Variants in CCDC85A observed in about 807,000 individuals in gnomAD.
CCDC85A encodes the protein coiled-coil domain-containing protein 85A.
Under a neutral mutation model 50.2 loss-of-function variants are expected in CCDC85A, and 38 were observed. The ratio of observed to expected loss-of-function variants is 0.76; its 90% CI spans 0.58 to 0.99. CCDC85A has a LOEUF of 0.99. Among genes scored for constraint, CCDC85A ranks in the 50% least tolerant of loss-of-function variants. The pLI, the probability that CCDC85A is intolerant of heterozygous loss-of-function variation, is 0.00. For synonymous variants in CCDC85A, 366 were observed against 301.4 expected, an observed-to-expected ratio of 1.21 and a Z score of -2.22; for missense variants, 820 against 742.0, an observed-to-expected ratio of 1.11 and a Z score of -1.22.
At chr2:56,332,435 G>C (rs1005196808) in intron 2 of CCDC85A, among the ~76,000 whole-genome samples, 2 of 152,272 alleles carry the variant, frequency 1.3e-5, no homozygotes, top group African/African-American at 4.8e-5. Context: ...TGCCATGAAG[G>C]GGAAAGGGAT....
intron 2 of CCDC85A, among the ~76,000 whole-genome samples, chr2:56,231,040 A>G (rs1023775089): frequency 1.3e-5 from 2 of 152,154 alleles, no homozygotes; most frequent in Non-Finnish European, 2.9e-5. Context: ...CCCTTATACT[A>G]AAAGGCATAA....
chr2:56,319,572 G>T (rs1452457926), intron 2 of CCDC85A, among the ~76,000 whole-genome samples: 1 of 152,096 alleles, frequency 6.6e-6, no homozygotes, highest in African/African-American at 2.4e-5. Flanking sequence ...ATATGGAAAA[G>T]ACAATAGAAT....
At chr2:56,199,924 G>A (rs535302861) in intron 2 of CCDC85A, among the ~76,000 whole-genome samples, 187 of 152,216 alleles carry the variant, frequency 1.2e-3, no homozygotes, top group African/African-American at 4.3e-3. Flanking sequence ...GCTGCAGTGC[G>A]GTGGCGCAGT....
At chr2:56,370,067 A>G (rs1675998654) in intron 3 of CCDC85A, among the ~76,000 whole-genome samples, 1 of 152,026 alleles carries the variant, frequency 6.6e-6, no homozygotes, top group South Asian at 2.1e-4. Context: ...CAAACTTGGA[A>G]TTTTAGAAAA....
intron 3 of CCDC85A, among the ~76,000 whole-genome samples, chr2:56,368,330 A>G (rs1490951499): frequency 2.6e-5 from 4 of 152,172 alleles, no homozygotes; most frequent in Admixed American, 2.6e-4. Flanking sequence ...AATCTCTTGG[A>G]GAGGGTTTGC....
chr2:56,383,821 G>T (rs1337676226), intron 5 of CCDC85A: 1 of 890,710 alleles, frequency 1.1e-6, no homozygotes, highest in African/African-American at 1.8e-5. Flanking sequence ...TAGGAACCAG[G>T]ATGATCTTGC....
Position 56,192,590 on chromosome 2 carries a change from TC to T in CCDC85A, c.391del (p.Arg131AlafsTer6). 1 of 1,613,672 alleles carries T rather than the reference TC, an allele frequency of 6.2e-7. No homozygotes were observed. The highest frequency in any genetic ancestry group is 8.5e-7 in the Non-Finnish European group (1 of 1,179,834). ...TGTCTCGGGAGTGGCAGAGACTGGG[TC>T]GCTACACTGCCGGGGTGATGCACAA... ...RVSREWQRLG[R>X]YTAGVMHKEV... On this transcript the variant is annotated frameshift_variant, in exon 2 of 6. Coordinates refer to ENST00000407595, the MANE Select transcript of CCDC85A (RefSeq NM_001080433.2). LOFTEE classifies it high-confidence loss of function. This position sits in a 1 kb window ranked among gnomAD's most constrained non-coding sequence, Gnocchi z 4.7.
At chr2:56,360,213 A>C (rs1675454733) in intron 3 of CCDC85A, among the ~76,000 whole-genome samples, 1 of 152,264 alleles carries the variant, frequency 6.6e-6, no homozygotes, top group African/African-American at 2.4e-5. Flanking sequence ...GACTAATGTC[A>C]ACCTAGCAAT....
At chr2:56,205,179 T>C (rs566297353) in intron 2 of CCDC85A, among the ~76,000 whole-genome samples, 21 of 152,270 alleles carry the variant, frequency 1.4e-4, no homozygotes, top group African/African-American at 5.1e-4. Context: ...TTACTGTCTT[T>C]GTACTAGATG....
intron 2 of CCDC85A, among the ~76,000 whole-genome samples, chr2:56,210,000 C>A (rs1010506470): frequency 3.3e-5 from 5 of 152,044 alleles, no homozygotes; most frequent in Non-Finnish European, 7.4e-5. Flanking sequence ...TAGAGCACAT[C>A]CTGGAATGTT....
chr2:56,293,128 T>C (rs1454516104), intron 2 of CCDC85A, among the ~76,000 whole-genome samples: 1 of 152,044 alleles, frequency 6.6e-6, no homozygotes, highest in Non-Finnish European at 1.5e-5. Context: ...AGAAGGGGAG[T>C]TAACATCTGT....
chr2:56,235,877 A>G (rs1159054117), intron 2 of CCDC85A, among the ~76,000 whole-genome samples: 1 of 152,214 alleles, frequency 6.6e-6, no homozygotes, highest in Non-Finnish European at 1.5e-5. Flanking sequence ...GACAAGACAG[A>G]TTCTCTTCTC....
At position 56,192,013 on chromosome 2, in the gene CCDC85A, A is replaced by T. The variant is rs948671258; in HGVS notation, c.277-464A>T. On this transcript the variant is annotated intron_variant, in intron 1 of 5. Transcript: ENST00000407595. The surrounding 1 kb of genome is among the most constrained non-coding windows in gnomAD (Gnocchi z 4.7). ...TTTTTATCTAGTGACTGATTTCTTG[A>T]TAATGAACTGGTTGCTCCCTAACTA... Among the ~76,000 whole-genome samples, 10 of 152,170 alleles carry T rather than the reference A, an allele frequency of 6.6e-5. No individual in the cohort carries two copies. Among genetic ancestry groups the T allele is most frequent in the Non-Finnish European group, 1.5e-4 (10 of 68,020 alleles).
At position 56,372,444 on chromosome 2, in the gene CCDC85A, G is replaced by A; in HGVS notation, c.1418G>A (p.Cys473Tyr). Residue 473 changes from cysteine (C) to tyrosine (Y), a missense_variant, in exon 4 of 6, where the codon TGC (cysteine) becomes TAC (tyrosine). By Grantham distance (194) the Cys-to-Tyr change is radical. Transcript: ENST00000407595. ...CGGGTCTTGCAGTGGTGGCAAGGGT[G>A]CCGAGGAATAGGACGATGCCTGCCT... Reference protein sequence around the residue: ...ARRVLQWWQGCRGIGRCLPTL... With the variant: ...ARRVLQWWQGYRGIGRCLPTL... The A allele has an allele frequency of 6.2e-7, 1 of 1,609,976 alleles. No individual in the cohort carries two copies. The highest frequency in any genetic ancestry group is 8.5e-7 in the Non-Finnish European group (1 of 1,178,050).
At chr2:56,352,373 C>T (rs1329957853) in intron 3 of CCDC85A, among the ~76,000 whole-genome samples, 1 of 152,034 alleles carries the variant, frequency 6.6e-6, no homozygotes, top group African/African-American at 2.4e-5. Context: ...TTTTTCGAGA[C>T]AGGCACTCGC....
At chr2:56,240,790 A>G (rs1049130959) in intron 2 of CCDC85A, among the ~76,000 whole-genome samples, 1 of 152,176 alleles carries the variant, frequency 6.6e-6, no homozygotes, top group Non-Finnish European at 1.5e-5. Context: ...ATTGATGAAA[A>G]TTTTAGTTCT....
chr2:56,290,954 G>A (rs1671674676), intron 2 of CCDC85A, among the ~76,000 whole-genome samples: 1 of 152,046 alleles, frequency 6.6e-6, no homozygotes, highest in African/African-American at 2.4e-5. Flanking sequence ...GGGTTTCCAA[G>A]CCAAAACCAG....
intron 2 of CCDC85A, among the ~76,000 whole-genome samples, chr2:56,320,145 A>T (rs1305812567): frequency 3.9e-5 from 6 of 152,226 alleles, no homozygotes; most frequent in African/African-American, 1.4e-4. Context: ...AGCAGTGTGT[A>T]GAGGGAAATT....
intron 2 of CCDC85A, among the ~76,000 whole-genome samples, chr2:56,329,293 C>T (rs564522790): frequency 6.6e-6 from 1 of 152,070 alleles, no homozygotes; most frequent in East Asian, 1.9e-4. Context: ...TAGATCTAAG[C>T]TAAAGTGGTG....
Sources: gnomAD v4.1 joint callset for allele counts (sites outside exome capture counted in the v4.1 genomes callset) on GRCh38, gnomAD v4.1.1 for gene constraint, Gnocchi (gnomAD v3.1) non-coding constraint, MANE v1.5 for transcripts, NCBI Gene and HGNC (gene_info 2026-07-23, HGNC 2026-07-21) for gene names.